The following PJA2 variants were observed in gnomAD, a reference collection of about 807,000 sequenced individuals.
PJA2 encodes the protein E3 ubiquitin-protein ligase Praja-2.
Under a neutral mutation model 69.3 loss-of-function variants are expected in PJA2, and 25 were observed. The observed-to-expected ratio is 0.36, with a 90% confidence interval of 0.26 to 0.50. PJA2 has a LOEUF of 0.50. PJA2 is among the 20% of genes least tolerant of loss of function. The pLI, the probability that PJA2 is intolerant of heterozygous loss-of-function variation, is 0.96. For missense variants in PJA2, 809 were observed against 830.2 expected, an observed-to-expected ratio of 0.97 and a Z score of 0.31; for synonymous variants, 308 against 277.8, an observed-to-expected ratio of 1.11 and a Z score of -1.08.
In PJA2 at chr5:109,379,099, C is replaced by T. The variant is rs144872344; in HGVS notation, c.388G>A (p.Asp130Asn). Reference protein sequence around the residue: ...VAVHHSEEGRDTLGSSTNLHN... With the variant: ...VAVHHSEEGRNTLGSSTNLHN... ...AGATTTGTACTGCTTCCTAAGGTAT[C>T]CCTGCCTTCCTCACTGTGATGTACT... The change falls in exon 4 of 10, where the codon GAT (aspartate) becomes AAT (asparagine). Residue 130 changes from aspartate (D) to asparagine (N), a missense_variant. Asp to Asn is a conservative substitution (Grantham distance 23). Transcript: ENST00000361189. 5.7e-4 allele frequency: 921 copies of T among 1,614,056 alleles called. No homozygotes were observed. The highest frequency in any genetic ancestry group is 7.0e-4 in the Non-Finnish European group (825 of 1,180,000).
At chr5:109,341,400 C>T (rs1485706962) in intron 9 of PJA2, among the ~76,000 whole-genome samples, 46 of 146,376 alleles carry the variant, frequency 3.1e-4, no homozygotes, top group South Asian at 6.8e-4. Flanking sequence ...GACCCTCTGC[C>T]GGGCAACCAC....
intron 7 of PJA2, 60 bp downstream of exon 7, chr5:109,355,855 A>T: frequency 1.6e-6 from 2 of 1,236,944 alleles, no homozygotes; most frequent in Non-Finnish European, 2.3e-6. Context: ...AAATCCCTTT[A>T]AACCTTTATC....
intron 9 of PJA2, among the ~76,000 whole-genome samples, chr5:109,340,206 T>G (rs934836807): frequency 1.2e-4 from 18 of 152,214 alleles, no homozygotes; most frequent in African/African-American, 3.9e-4. Flanking sequence ...TCATCTGATA[T>G]GATTTGTAAA....
At chr5:109,344,367 G>A in intron 8 of PJA2, 56 bp from the exon 9 acceptor site, 4 of 1,535,046 alleles carry the variant, frequency 2.6e-6, no homozygotes, top group Non-Finnish European at 3.5e-6. Flanking sequence ...TAGTAAAACT[G>A]AAAAGCAACA....
At chr5:109,370,141 T>C (rs1283735419) in intron 4 of PJA2, among the ~76,000 whole-genome samples, 1 of 152,166 alleles carries the variant, frequency 6.6e-6, no homozygotes, top group Non-Finnish European at 1.5e-5. Flanking sequence ...AGTCCTCTTA[T>C]GCTACCAAAG....
chr5:109,407,675 T>C (rs114209218), intron 1 of PJA2, among the ~76,000 whole-genome samples: 2,469 of 152,112 alleles, frequency 0.016, 56 homozygotes, highest in African/African-American at 0.056. Flanking sequence ...TGATACATGA[T>C]AGAAAACTCA....
At chr5:109,382,242 T>C (rs1747067996) in intron 2 of PJA2, among the ~76,000 whole-genome samples, 1 of 152,020 alleles carries the variant, frequency 6.6e-6, no homozygotes, top group African/African-American at 2.4e-5. Flanking sequence ...TTCCAAAGAT[T>C]AACGTCAGAT....
intron 1 of PJA2, among the ~76,000 whole-genome samples, chr5:109,403,598 AGAT>A (rs1487169724): frequency 6.6e-6 from 1 of 152,104 alleles, no homozygotes; most frequent in Non-Finnish European, 1.5e-5. Flanking sequence ...AAATGATAGT[AGAT>A]AATACACCAT....
rs754621993 is a variant in PJA2, at chr5:109,381,553, T to A, written c.182A>T (p.Asp61Val). Reference sequence around the variant, plus strand: ...ATCTAGTTCCAACACTTCATAGTCATCACCAGCCCGACCTAAGCTTCTTTC... The same window carrying A: ...ATCTAGTTCCAACACTTCATAGTCAACACCAGCCCGACCTAAGCTTCTTTC... The part of the protein sequence containing the change: ...RHERSLGRAG[D>V]DYEVLELDDV... The change falls in exon 3 of 10, where the codon GAT becomes GTT. Residue 61 changes from aspartate to valine, a missense_variant. Coordinates refer to ENST00000361189, the MANE Select transcript of PJA2 (RefSeq NM_014819.5). 1 of 1,614,102 alleles carries A rather than the reference T, an allele frequency of 6.2e-7. No individual in the cohort carries two copies. The highest frequency in any genetic ancestry group is 1.7e-5 in the Admixed American group (1 of 60,020).
intron 1 of PJA2, among the ~76,000 whole-genome samples, chr5:109,407,062 C>T (rs1747706467): frequency 6.6e-6 from 1 of 152,114 alleles, no homozygotes; most frequent in Admixed American, 6.6e-5. Flanking sequence ...CAAAAGGGAA[C>T]TTTGGGGGAG....
In PJA2 at chr5:109,400,443, G is replaced by A. The variant is rs1277163235; in HGVS notation, c.-88+9399C>T. 3.1e-5 allele frequency among the ~76,000 whole-genome samples: 4 copies of A among 129,986 alleles called. No individual in the cohort carries two copies. In the East Asian group the frequency reaches 1.1e-3, roughly 34 times the overall value. The allele number at this position is 129,986 out of a possible 152,430, so 85.3% of individuals were successfully genotyped here. ...GACTGCATTAAATGAGCTGCCATGA[G>A]TTTAACTGGAACCCCACAAAAAGAG... On this transcript the variant is annotated intron_variant, in intron 1 of 9. Coordinates refer to ENST00000361189, the MANE Select transcript of PJA2 (RefSeq NM_014819.5).
chr5:109,378,413 A>T lies in PJA2; in HGVS notation c.1074T>A (p.Asp358Glu), dbSNP rs776645641. Reference sequence around the variant, plus strand: ...ATTCTTCACATTTTATTAAGAGGTCATCTGAGCCACTTTCCTCAACTTCCA... The same window carrying T: ...ATTCTTCACATTTTATTAAGAGGTCTTCTGAGCCACTTTCCTCAACTTCCA... Reference protein sequence around the residue: ...EALEVEESGSDDLLIKCEEYD... With the variant: ...EALEVEESGSEDLLIKCEEYD... The change falls in exon 4 of 10, where the codon GAT (aspartate) becomes GAA (glutamate). Residue 358 changes from aspartate (D) to glutamate (E), a missense_variant. Around this residue, in one of 4 missense-constraint regions of PJA2, gnomAD observed 700 missense variants for 639.5 expected, o/e 1.09. Coordinates refer to ENST00000361189, the MANE Select transcript of PJA2 (RefSeq NM_014819.5). 20 of 1,614,006 alleles carry T rather than the reference A, an allele frequency of 1.2e-5. No homozygotes were observed. The highest frequency in any genetic ancestry group is 1.7e-5 in the Non-Finnish European group (20 of 1,180,014).
intron 7 of PJA2, among the ~76,000 whole-genome samples, chr5:109,351,636 G>C (rs1582588679): frequency 6.6e-6 from 1 of 151,926 alleles, no homozygotes; most frequent in African/African-American, 2.4e-5. Context: ...GATGTTTAAG[G>C]TTTTACCCTC....
At chr5:109,355,650 G>C (rs567426849) in intron 7 of PJA2, among the ~76,000 whole-genome samples, 1 of 152,242 alleles carries the variant, frequency 6.6e-6, no homozygotes, top group Admixed American at 6.5e-5. Context: ...TAATTCAATA[G>C]AGAAAAAAGT....
At chr5:109,397,966 A>C (rs1403716076) in intron 1 of PJA2, among the ~76,000 whole-genome samples, 1 of 152,254 alleles carries the variant, frequency 6.6e-6, no homozygotes, top group Non-Finnish European at 1.5e-5. Flanking sequence ...CAAGAAAAAA[A>C]CAACCCCATC....
Position 109,354,134 on chromosome 5 carries a change from C to T in PJA2, c.1764+1781G>A, listed in dbSNP as rs62643549. Among the ~76,000 whole-genome samples, 2 of 49,928 alleles carry T rather than the reference C, an allele frequency of 4.0e-5. 1 individual carries two copies. The highest frequency in any genetic ancestry group is 1.1e-4 in the African/African-American group (2 of 17,712). The allele number at this position is 49,928 out of a possible 152,430, so 32.8% of individuals were successfully genotyped here. On this transcript the variant is annotated intron_variant, in intron 7 of 9. Transcript: ENST00000361189. ...GATTAGATATCTATGGTATCTAGAG[C>T]TGTCTATAGATTAGATATCTATGAT...
intron 3 of PJA2, among the ~76,000 whole-genome samples, 166 bp downstream of exon 3, chr5:109,381,337 A>T (rs1747043676): frequency 6.6e-6 from 1 of 152,158 alleles, no homozygotes; most frequent in African/African-American, 2.4e-5. Context: ...TTAAATATAT[A>T]CACCATTAAT....
intron 7 of PJA2, among the ~76,000 whole-genome samples, chr5:109,347,636 C>T (rs1762191137): frequency 6.6e-6 from 1 of 152,198 alleles, no homozygotes; most frequent in African/African-American, 2.4e-5. Context: ...TTCCAGAAGG[C>T]AAATTTCCAG....
At chr5:109,371,437 A>G (rs1762673280) in intron 4 of PJA2, among the ~76,000 whole-genome samples, 1 of 152,174 alleles carries the variant, frequency 6.6e-6, no homozygotes, top group Non-Finnish European at 1.5e-5. Flanking sequence ...GACTCTTCAC[A>G]AACTCCCCAC....
Sources: allele counts gnomAD v4.1 joint callset (sites outside exome capture counted in the v4.1 genomes callset), GRCh38; gene constraint gnomAD v4.1.1; regional missense constraint gnomAD v4.1.1; transcripts MANE v1.5; gene names NCBI Gene and HGNC (gene_info 2026-07-23, HGNC 2026-07-21).